PRKG1: variants seen among roughly 807,000 people sequenced by gnomAD.
The protein encoded by PRKG1 is protein kinase cGMP-dependent 1.
A neutral mutation model predicts 88.1 loss-of-function variants in PRKG1; 35 were observed. That is an observed-to-expected ratio of 0.40 (90% CI 0.30 to 0.53). The LOEUF is 0.53. Among genes scored for constraint, PRKG1 ranks in the 20% least tolerant of loss-of-function variants. PRKG1 has a pLI of 0.59. For synonymous variants in PRKG1, 303 were observed against 292.5 expected, an observed-to-expected ratio of 1.04 and a Z score of -0.37; for missense variants, 540 against 839.8, an observed-to-expected ratio of 0.64 and a Z score of 4.41.
chr10:52,008,598 C>T (rs1844800488), intron 5 of PRKG1, among the ~76,000 whole-genome samples: 1 of 152,082 alleles, frequency 6.6e-6, no homozygotes, highest in South Asian at 2.1e-4. Flanking sequence ...CCTGAACAGA[C>T]TAATAACAAG....
intron 3 of PRKG1, among the ~76,000 whole-genome samples, chr10:51,757,058 A>AT (rs1000633071): frequency 7.6e-4 from 115 of 151,022 alleles, no homozygotes; most frequent in African/African-American, 2.6e-3. Context: ...ATTTTATTTT[A>AT]TTTTTTTTAT....
At chr10:51,446,153 A>T (rs2132759380) in intron 2 of PRKG1, among the ~76,000 whole-genome samples, 1 of 152,196 alleles carries the variant, frequency 6.6e-6, no homozygotes, top group African/African-American at 2.4e-5. Flanking sequence ...CAGAATATTC[A>T]TATGATGAAT....
intron 5 of PRKG1, among the ~76,000 whole-genome samples, chr10:51,996,481 C>T (rs1480901937): frequency 6.6e-6 from 1 of 151,884 alleles, no homozygotes. Flanking sequence ...CCTGAATAAC[C>T]ATTTCTCAAT....
chr10:51,693,927 T>G (rs189608929), intron 3 of PRKG1, among the ~76,000 whole-genome samples: 1 of 152,268 alleles, frequency 6.6e-6, no homozygotes, highest in Admixed American at 6.5e-5. Context: ...ACATTTGAAA[T>G]AAATATATAT....
chr10:51,292,640 G>A (rs951200329), intron 2 of PRKG1, among the ~76,000 whole-genome samples: 10 of 152,138 alleles, frequency 6.6e-5, no homozygotes, highest in African/African-American at 2.4e-4. Flanking sequence ...AATTATATTG[G>A]TTCCTTCCAA....
At chr10:51,291,154 T>C (rs933766134) in intron 2 of PRKG1, among the ~76,000 whole-genome samples, 5 of 152,172 alleles carry the variant, frequency 3.3e-5, no homozygotes, top group Admixed American at 2.6e-4. Context: ...TGAAGCATTG[T>C]TATGAAAGTT....
intron 1 of PRKG1, among the ~76,000 whole-genome samples, chr10:51,047,599 C>T (rs1843506270): frequency 7.1e-6 from 1 of 141,020 alleles, no homozygotes; most frequent in Admixed American, 7.4e-5. Flanking sequence ...AACACAAAAC[C>T]ATATCTGTTA....
At chr10:51,559,445 A>G (rs1837401151) in intron 3 of PRKG1, among the ~76,000 whole-genome samples, 1 of 152,080 alleles carries the variant, frequency 6.6e-6, no homozygotes, top group Non-Finnish European at 1.5e-5. Context: ...TTAGTGCGTT[A>G]GAGACTTGGA....
chr10:51,519,059 A>G (rs1004490202), intron 3 of PRKG1, among the ~76,000 whole-genome samples: 2 of 152,250 alleles, frequency 1.3e-5, no homozygotes, highest in Non-Finnish European at 1.5e-5. Flanking sequence ...CCAATCTTCC[A>G]TTATTATTCA....
chr10:51,017,052 A>G (rs2132730213), intron 1 of PRKG1, among the ~76,000 whole-genome samples: 1 of 151,972 alleles, frequency 6.6e-6, no homozygotes, highest in East Asian at 1.9e-4. Flanking sequence ...CTTGAGTTAC[A>G]TGAGAGTTCA....
chr10:51,240,768 A>G (rs1260840716), intron 2 of PRKG1, among the ~76,000 whole-genome samples: 2 of 152,154 alleles, frequency 1.3e-5, no homozygotes, highest in Non-Finnish European at 2.9e-5. Flanking sequence ...TTGGTAGTCA[A>G]TGGAAGAAAA....
chr10:51,708,941 A>T (rs1841675764), intron 3 of PRKG1, among the ~76,000 whole-genome samples: 2 of 152,102 alleles, frequency 1.3e-5, no homozygotes, highest in African/African-American at 4.8e-5. Context: ...ATCCTGGTTG[A>T]CCATGAATTC....
At chr10:51,093,447 G>A (rs1844445180) in intron 1 of PRKG1, among the ~76,000 whole-genome samples, 1 of 152,034 alleles carries the variant, frequency 6.6e-6, no homozygotes, top group Non-Finnish European at 1.5e-5. Context: ...CACTTTGCTA[G>A]TACTTGGCTT....
intron 3 of PRKG1, among the ~76,000 whole-genome samples, chr10:51,708,708 G>A (rs1841669721): frequency 6.6e-6 from 1 of 152,128 alleles, no homozygotes; most frequent in Non-Finnish European, 1.5e-5. Flanking sequence ...ATTGTTAAGA[G>A]GTTGGAGCCA....
At chr10:51,938,214 A>G (rs1421862184) in intron 5 of PRKG1, among the ~76,000 whole-genome samples, 2 of 152,098 alleles carry the variant, frequency 1.3e-5, no homozygotes, top group African/African-American at 4.8e-5. Flanking sequence ...GACAGAGACC[A>G]TATACACGTA....
In PRKG1 at chr10:51,724,868, A is replaced by AG. The variant is rs1842094466; in HGVS notation, c.593-79717_593-79716insG. Among the ~76,000 whole-genome samples, 11 of 69,752 alleles carry AG rather than the reference A, an allele frequency of 1.6e-4. 1 individual carries two copies. The South Asian group carries it at 4.3e-3, about 27-fold the overall frequency. The allele number at this position is 69,752 out of a possible 152,430, so 45.8% of individuals were successfully genotyped here. On this transcript the variant is annotated intron_variant, in intron 3 of 17. Coordinates refer to ENST00000373980, the MANE Select transcript of PRKG1 (RefSeq NM_006258.4). ...GCTACCATGCCTGGCTAATTTTTGT[A>AG]CTTTTTTTTTTTTTTTTTTTTTGTA...
chr10:51,716,579 G>A (rs558772276), intron 3 of PRKG1, among the ~76,000 whole-genome samples: 8 of 152,186 alleles, frequency 5.3e-5, no homozygotes, highest in South Asian at 2.1e-4. Context: ...CTCCAGGTTC[G>A]TACAAACATG....
At chr10:51,145,348 A>AG (rs1845918140) in intron 1 of PRKG1, among the ~76,000 whole-genome samples, 1 of 151,802 alleles carries the variant, frequency 6.6e-6, no homozygotes, top group Admixed American at 6.6e-5. Flanking sequence ...AATATCTGAC[A>AG]TTTTTTTTCT....
intron 2 of PRKG1, among the ~76,000 whole-genome samples, chr10:51,177,698 A>G (rs976560463): frequency 2.6e-5 from 4 of 152,154 alleles, no homozygotes; most frequent in Admixed American, 6.5e-5. Context: ...AATTTTTATT[A>G]TAGAAATCCT....
Sources: gnomAD v4.1 joint callset for allele counts (sites outside exome capture counted in the v4.1 genomes callset) on GRCh38, gnomAD v4.1.1 for gene constraint, MANE v1.5 for transcripts, NCBI Gene and HGNC (gene_info 2026-07-23, HGNC 2026-07-21) for gene names.